NEBL: variants seen among roughly 807,000 people sequenced by gnomAD.
NEBL encodes the protein nebulette, also known as LIM and SH3 protein 2.
A neutral mutation model predicts 140.2 loss-of-function variants in NEBL; 122 were observed. The ratio of observed to expected loss-of-function variants is 0.87; its 90% CI spans 0.75 to 1.01. The LOEUF is 1.01. NEBL is among the 50% of genes least tolerant of loss of function. NEBL has a pLI of 0.00. For missense variants in NEBL, 1,365 were observed against 1,231.3 expected, an observed-to-expected ratio of 1.11 and a Z score of -1.62; for synonymous variants, 436 against 398.9, an observed-to-expected ratio of 1.09 and a Z score of -1.11.
chr10:20,859,656 TA>T (rs1021459295), intron 8 of NEBL, 56 bp downstream of exon 8: 40 of 1,189,484 alleles, frequency 3.4e-5, no homozygotes, highest in Admixed American at 7.1e-5. Context: ...CAGTCGATTC[TA>T]AAAAAAACAA....
At chr10:20,929,665 C>T (rs919965994) in intron 4 of NEBL, among the ~76,000 whole-genome samples, 4 of 146,732 alleles carry the variant, frequency 2.7e-5, no homozygotes, top group African/African-American at 5.0e-5. Context: ...TCAGATACCA[C>T]ATGTTCTCAT....
intron 2 of NEBL, among the ~76,000 whole-genome samples, chr10:21,165,230 T>C (rs547529257): frequency 1.6e-4 from 25 of 152,304 alleles, no homozygotes; most frequent in Admixed American, 8.5e-4. Context: ...AGGAAATAAA[T>C]GAGCATTCAT....
intron 26 of NEBL, among the ~76,000 whole-genome samples, chr10:20,802,763 G>A (rs965882777): frequency 1.3e-5 from 2 of 152,096 alleles, no homozygotes; most frequent in African/African-American, 4.8e-5. Context: ...AAGAAGGAAC[G>A]AAAACTGTGA....
chr10:21,201,704 T>G (rs1841738492), intron 3 of NEBL, among the ~76,000 whole-genome samples: 1 of 152,252 alleles, frequency 6.6e-6, no homozygotes. Flanking sequence ...ACAATATGCC[T>G]GCATATTCTT....
At chr10:20,831,999 G>A (rs1402001715) in intron 14 of NEBL, among the ~76,000 whole-genome samples, 5 of 151,944 alleles carry the variant, frequency 3.3e-5, no homozygotes, top group African/African-American at 1.2e-4. Flanking sequence ...CCCCTTCATT[G>A]GCTCCCTAAT....
At chr10:21,202,461 C>CTTT (rs35623208) in intron 3 of NEBL, among the ~76,000 whole-genome samples, 9 of 117,280 alleles carry the variant, frequency 7.7e-5, no homozygotes, top group Non-Finnish European at 1.0e-4. Context: ...TTTTCTTTTT[C>CTTT]TTTTTTTTTT....
At chr10:21,236,187 G>A (rs969382431) in intron 3 of NEBL, among the ~76,000 whole-genome samples, 21 of 152,118 alleles carry the variant, frequency 1.4e-4, no homozygotes, top group Non-Finnish European at 1.3e-4. Flanking sequence ...TCTCAATCAT[G>A]GGAGGGAAAT....
rs1216799106 is a variant in NEBL at position 20,831,176 on chromosome 10, C to T, written c.1671+20G>A. 1.3e-6 allele frequency: 2 copies of T among 1,507,248 alleles called. No individual in the cohort carries two copies. Among genetic ancestry groups the T allele is most frequent in the Admixed American group, 1.7e-5 (1 of 59,780 alleles). The allele number at this position is 1,507,248 out of a possible 1,614,324, so 93.4% of individuals were successfully genotyped here. A position where few individuals can be genotyped will look rare whatever the true frequency, so the allele number is the denominator to read the frequency against. On this transcript the variant is annotated intron_variant, in intron 16 of 27. Transcript: ENST00000377122. ...TGACATTGGAATACACGATTCTGAG[C>T]ATCTTCATTCATGACCAACCTGGCT...
chr10:21,134,345 T>C (rs1839249814), intron 2 of NEBL, among the ~76,000 whole-genome samples: 1 of 152,188 alleles, frequency 6.6e-6, no homozygotes, highest in Non-Finnish European at 1.5e-5. Flanking sequence ...ATAAAGACAA[T>C]GTATTCTTAT....
In NEBL at chr10:20,969,146, G is replaced by A. The variant is rs145793014; in HGVS notation, c.250-7367C>T. 2.0e-3 allele frequency among the ~76,000 whole-genome samples: 303 copies of A among 152,164 alleles called. 1 individual carries two copies. Among genetic ancestry groups the A allele is most frequent in the African/African-American group, 6.9e-3 (286 of 41,526 alleles). ...AATGTTAGACGGGAATTAAACAGTC[G>A]AAAGGAAAATCTGATTAAGAGTTTT... On this transcript the variant is annotated intron_variant, in intron 3 of 6. Coordinates refer to the NEBL transcript ENST00000417816.
intron 3 of NEBL, among the ~76,000 whole-genome samples, chr10:21,225,667 C>T (rs1438086874): frequency 1.3e-5 from 2 of 152,198 alleles, no homozygotes; most frequent in Admixed American, 6.5e-5. Context: ...CCACCACCTC[C>T]CCAGGTTCAT....
chr10:20,915,806 T>C (rs925860981), intron 4 of NEBL, among the ~76,000 whole-genome samples: 2 of 152,154 alleles, frequency 1.3e-5, no homozygotes, highest in Admixed American at 1.3e-4. Context: ...GTATTTCTAG[T>C]TCTAGATCCC....
chr10:21,209,441 ATT>A (rs1351960394), intron 3 of NEBL, among the ~76,000 whole-genome samples: 1 of 152,008 alleles, frequency 6.6e-6, no homozygotes, highest in Non-Finnish European at 1.5e-5. Context: ...GGAGATGTGT[ATT>A]TTTTCATGGA....
intron 2 of NEBL, among the ~76,000 whole-genome samples, chr10:21,107,587 T>C (rs1454090263): frequency 1.3e-5 from 2 of 152,210 alleles, no homozygotes; most frequent in African/African-American, 4.8e-5. Flanking sequence ...TTATTGAGGA[T>C]TTTTGCATCG....
At position 20,813,956 on chromosome 10, in the gene NEBL, G is replaced by T; in HGVS notation, c.2329C>A (p.Gln777Lys). ...TPAMRHVKEA[Q>K]NHISMVKYHE... ...GACCCTACCATTGAAATATGATTTT[G>T]TGCTTCTTTAACATGTCTCATAGCA... is the stretch of plus-strand genomic sequence containing the variant. The change falls in exon 23 of 28, where the codon CAA becomes AAA. Residue 777 changes from glutamine to lysine, a missense_variant. By Grantham distance (53) the Gln-to-Lys change is moderately conservative. Coordinates refer to ENST00000377122, the MANE Select transcript of NEBL (RefSeq NM_006393.3). The T allele has an allele frequency of 6.3e-7, 1 of 1,597,154 alleles. No homozygotes were observed. Among genetic ancestry groups the T allele is most frequent in the Non-Finnish European group, 8.6e-7 (1 of 1,164,684 alleles).
intron 2 of NEBL, among the ~76,000 whole-genome samples, chr10:21,150,704 T>C (rs1202218646): frequency 6.6e-6 from 1 of 152,188 alleles, no homozygotes; most frequent in African/African-American, 2.4e-5. Flanking sequence ...TAATCATTCT[T>C]TGCACACCTT....
intron 2 of NEBL, among the ~76,000 whole-genome samples, chr10:21,104,710 T>A: frequency 6.6e-6 from 1 of 152,206 alleles, no homozygotes; most frequent in East Asian, 1.9e-4. Flanking sequence ...ATCTGTGTGC[T>A]TTTTATTACT....
chr10:21,027,961 C>A (rs150189554), intron 2 of NEBL, among the ~76,000 whole-genome samples: 1,586 of 152,102 alleles, frequency 0.01, 30 homozygotes, highest in African/African-American at 0.037. Context: ...GTGGCTCACA[C>A]CTGTAATCCC....
intron 26 of NEBL, among the ~76,000 whole-genome samples, chr10:20,805,433 A>T (rs1288667105): frequency 6.6e-6 from 1 of 152,166 alleles, no homozygotes; most frequent in African/African-American, 2.4e-5. Flanking sequence ...ACTTATTGGT[A>T]CATCTTGACT....
Sources: allele counts gnomAD v4.1 joint callset (sites outside exome capture counted in the v4.1 genomes callset), GRCh38; gene constraint gnomAD v4.1.1; transcripts MANE v1.5; gene names NCBI Gene and HGNC (gene_info 2026-07-23, HGNC 2026-07-21).